FAT3: variants seen among roughly 807,000 people sequenced by gnomAD.
FAT3 encodes the protein FAT atypical cadherin 3.
Under a neutral mutation model 310.2 loss-of-function variants are expected in FAT3, and 95 were observed. The ratio of observed to expected loss-of-function variants is 0.31; its 90% CI spans 0.26 to 0.36. The LOEUF (loss-of-function observed/expected upper bound fraction) is 0.36, where lower values mean the gene tolerates loss of function less well. FAT3 is among the 10% of genes least tolerant of loss of function. The pLI is 1.00. For missense variants in FAT3, 5,408 were observed against 5,715.6 expected (o/e 0.95, Z 1.74); for synonymous variants, 2,314 against 2,192.9 (o/e 1.06, Z -1.54).
At chr11:92,453,496 A>G (rs917565197) in intron 2 of FAT3, among the ~76,000 whole-genome samples, 4 of 150,734 alleles carry the variant, frequency 2.7e-5, no homozygotes, top group South Asian at 2.1e-4. Context: ...TTTTTTTTGT[A>G]AAAAAGAAAG....
At chr11:92,517,455 C>G (rs1021290508) in intron 2 of FAT3, among the ~76,000 whole-genome samples, 1 of 152,104 alleles carries the variant, frequency 6.6e-6, no homozygotes, top group African/African-American at 2.4e-5. Context: ...TTTCTTACAT[C>G]TTGTACAAAA....
intron 3 of FAT3, among the ~76,000 whole-genome samples, chr11:92,528,586 T>C (rs879832580): frequency 6.6e-6 from 1 of 152,102 alleles, no homozygotes; most frequent in Non-Finnish European, 1.5e-5. Context: ...CGGGGTTTCA[T>C]CGTGTTAGCC....
chr11:92,493,767 A>C (rs1952672481), intron 2 of FAT3, among the ~76,000 whole-genome samples: 1 of 152,068 alleles, frequency 6.6e-6, no homozygotes, highest in South Asian at 2.1e-4. Context: ...AAAGGGACTA[A>C]CAGACGTGCT....
chr11:92,352,013 G>C, intron 1 of FAT3, 83 bp from the exon 2 acceptor site: 1 of 887,620 alleles, frequency 1.1e-6, no homozygotes, highest in Non-Finnish European at 1.4e-6. Context: ...TAAAAAGCAT[G>C]GCTTCCTAAT....
At chr11:92,363,817 GA>G (rs1008502518) in intron 2 of FAT3, among the ~76,000 whole-genome samples, 3 of 151,742 alleles carry the variant, frequency 2.0e-5, no homozygotes, top group Non-Finnish European at 2.9e-5. Flanking sequence ...TTATTTGAGA[GA>G]AAAAAAATAA....
intron 13 of FAT3, among the ~76,000 whole-genome samples, chr11:92,820,552 G>A (rs1947940145): frequency 6.6e-6 from 1 of 152,128 alleles, no homozygotes; most frequent in African/African-American, 2.4e-5. Flanking sequence ...CTGTGGTATT[G>A]TGAGGCAGCC....
intron 7 of FAT3, among the ~76,000 whole-genome samples, chr11:92,785,020 C>A (rs1282579526): frequency 6.6e-6 from 1 of 151,604 alleles, no homozygotes. Context: ...AAGAACAATA[C>A]CCAAAACTTT....
intron 3 of FAT3, among the ~76,000 whole-genome samples, chr11:92,578,757 A>G (rs899026116): frequency 1.3e-5 from 2 of 152,124 alleles, no homozygotes; most frequent in Non-Finnish European, 1.5e-5. Flanking sequence ...AAAACCTTCC[A>G]TCTCTCACAG....
At chr11:92,265,834 A>G (rs1272413712) in intron 1 of FAT3, among the ~76,000 whole-genome samples, 1 of 151,540 alleles carries the variant, frequency 6.6e-6, no homozygotes, top group Admixed American at 6.6e-5. Context: ...TGATTTAATC[A>G]CCTCCTAAAG....
At chr11:92,795,916 A>C (rs915479455) in intron 9 of FAT3, among the ~76,000 whole-genome samples, 11 of 152,240 alleles carry the variant, frequency 7.2e-5, no homozygotes, top group East Asian at 1.9e-4. Flanking sequence ...TCAAAAAAAA[A>C]CAAAAAATTA....
intron 2 of FAT3, among the ~76,000 whole-genome samples, chr11:92,433,236 A>T (rs926432454): frequency 6.6e-6 from 1 of 152,078 alleles, no homozygotes; most frequent in African/African-American, 2.4e-5. Flanking sequence ...TTTCCAGGGG[A>T]GTGAACGGTT....
intron 6 of FAT3, among the ~76,000 whole-genome samples, chr11:92,770,574 G>A (rs1223554821): frequency 1.3e-5 from 2 of 152,026 alleles, no homozygotes; most frequent in African/African-American, 4.8e-5. Context: ...ATTGAGGTTC[G>A]GCAGCTCCGT....
intron 1 of FAT3, among the ~76,000 whole-genome samples, chr11:92,345,709 G>A (rs992399654): frequency 6.6e-6 from 1 of 152,188 alleles, no homozygotes; most frequent in African/African-American, 2.4e-5. Context: ...ACTTGTAGGT[G>A]CAGATGGGTA....
intron 1 of FAT3, among the ~76,000 whole-genome samples, chr11:92,279,819 A>G (rs910389122): frequency 6.6e-6 from 1 of 152,154 alleles, no homozygotes; most frequent in African/African-American, 2.4e-5. Flanking sequence ...CCATTGACCA[A>G]CCTCACAAAA....
At chr11:92,526,042 C>A (rs557895211) in intron 3 of FAT3, among the ~76,000 whole-genome samples, 16 of 152,118 alleles carry the variant, frequency 1.1e-4, no homozygotes, top group African/African-American at 3.9e-4. Context: ...AGTGTTGAAT[C>A]GGGATTTGAC....
At chr11:92,236,802 C>T (rs1226177115) in intron 1 of FAT3, among the ~76,000 whole-genome samples, 2 of 152,066 alleles carry the variant, frequency 1.3e-5, no homozygotes, top group Non-Finnish European at 2.9e-5. Context: ...TTATTTCTGG[C>T]GAGATTTACT....
At chr11:92,399,983 G>T (rs1949973164) in intron 2 of FAT3, among the ~76,000 whole-genome samples, 1 of 152,148 alleles carries the variant, frequency 6.6e-6, no homozygotes, top group Admixed American at 6.6e-5. Flanking sequence ...GAGTCTGTTG[G>T]TGTGGGCTTG....
chr11:92,656,256 T>C (rs1942576770), intron 3 of FAT3, among the ~76,000 whole-genome samples: 1 of 152,202 alleles, frequency 6.6e-6, no homozygotes, highest in Non-Finnish European at 1.5e-5. Context: ...GGTTGTTGAC[T>C]TTCCCTTTGT....
chr11:92,618,062 C>T (rs1159303736), intron 3 of FAT3, among the ~76,000 whole-genome samples: 1 of 152,232 alleles, frequency 6.6e-6, no homozygotes, highest in African/African-American at 2.4e-5. Flanking sequence ...TTTTGTTCAG[C>T]TATGCCCTGC....
Sources: allele counts gnomAD v4.1 joint callset (sites outside exome capture counted in the v4.1 genomes callset), GRCh38; gene constraint gnomAD v4.1.1; transcripts MANE v1.5; gene names NCBI Gene and HGNC (gene_info 2026-07-23, HGNC 2026-07-21).